Variants in SGCZ observed in about 807,000 individuals in gnomAD.
SGCZ encodes zeta-sarcoglycan.
In SGCZ, 40 loss-of-function variants were observed where a neutral mutation model predicts 41.3. That is an observed-to-expected ratio of 0.97 (90% CI 0.75 to 1.26). The LOEUF is 1.26. Ranked by LOEUF, SGCZ falls within the 50% of genes most tolerant of loss-of-function variation. The pLI is 0.00. For synonymous variants in SGCZ, 206 were observed against 137.5 expected, an observed-to-expected ratio of 1.50 and a Z score of -3.49; for missense variants, 552 against 369.8, an observed-to-expected ratio of 1.49 and a Z score of -4.04.
intron 1 of SGCZ, among the ~76,000 whole-genome samples, chr8:14,771,190 A>G (rs1164822475): frequency 6.6e-6 from 1 of 152,148 alleles, no homozygotes; most frequent in Admixed American, 6.6e-5. Flanking sequence ...GGTCAGTGCA[A>G]TGGAAATATT....
intron 2 of SGCZ, among the ~76,000 whole-genome samples, chr8:14,486,356 C>T (rs1015421162): frequency 6.6e-6 from 1 of 152,112 alleles, no homozygotes; most frequent in Non-Finnish European, 1.5e-5. Context: ...TGGAGCAGAG[C>T]CTCCCACTGG....
chr8:15,022,371 G>T (rs562032786), intron 1 of SGCZ, among the ~76,000 whole-genome samples: 2 of 152,014 alleles, frequency 1.3e-5, no homozygotes, highest in South Asian at 2.1e-4. Context: ...TTGAGACAGA[G>T]TCTTGCTCTG....
chr8:15,065,221 A>G (rs571620404), intron 1 of SGCZ, among the ~76,000 whole-genome samples: 9 of 151,598 alleles, frequency 5.9e-5, no homozygotes, highest in African/African-American at 2.2e-4. Context: ...TTCAAACTCC[A>G]TTTTCTCACC....
chr8:14,539,314 T>A (rs2117146046), intron 2 of SGCZ, among the ~76,000 whole-genome samples: 1 of 151,976 alleles, frequency 6.6e-6, no homozygotes, highest in East Asian at 2.0e-4. Flanking sequence ...TCTATATACA[T>A]CCTATTGCTT....
intron 1 of SGCZ, among the ~76,000 whole-genome samples, chr8:15,230,500 C>A (rs1275882490): frequency 6.6e-6 from 1 of 152,154 alleles, no homozygotes; most frequent in African/African-American, 2.4e-5. Context: ...TAATATTCAG[C>A]AGAAAATCTT....
chr8:14,458,565 T>C (rs1306284155), intron 2 of SGCZ, among the ~76,000 whole-genome samples: 1 of 152,216 alleles, frequency 6.6e-6, no homozygotes, highest in East Asian at 1.9e-4. Context: ...CTAAGTAGAG[T>C]TGTCAGTATG....
chr8:14,472,670 A>T (rs1801247200), intron 2 of SGCZ, among the ~76,000 whole-genome samples: 1 of 152,152 alleles, frequency 6.6e-6, no homozygotes, highest in Non-Finnish European at 1.5e-5. Context: ...AAAAGGCAAC[A>T]TGTATTGCCC....
chr8:15,141,708 C>T (rs1225570474), intron 1 of SGCZ, among the ~76,000 whole-genome samples: 2 of 152,124 alleles, frequency 1.3e-5, no homozygotes, highest in Non-Finnish European at 2.9e-5. Flanking sequence ...TCAAGAGCAT[C>T]CTGGCTAACA....
chr8:15,143,903 C>T lies in SGCZ; in HGVS notation c.39+93682G>A, dbSNP rs1423132806. Among the ~76,000 whole-genome samples the T allele has an allele frequency of 2.8e-4, 2 of 7,208 alleles. 1 individual carries two copies. The highest frequency in any genetic ancestry group is 0.043 in the Non-Finnish European group (2 of 46). 4.7% of individuals were successfully genotyped at this position (7,208 alleles called of 152,430 possible). A position where few individuals can be genotyped will look rare whatever the true frequency, so the allele number is the denominator to read the frequency against. ...ACGCCATTCTCCTGCCTCAGCCTCCCAAGTAGCTGGGACTACAGGCGCCCG... is the reference window on the plus strand; with the variant it reads ...ACGCCATTCTCCTGCCTCAGCCTCCTAAGTAGCTGGGACTACAGGCGCCCG... On this transcript the variant is annotated intron_variant, in intron 1 of 7. Coordinates refer to ENST00000382080, the MANE Select transcript of SGCZ (RefSeq NM_139167.4).
At chr8:14,434,637 T>C (rs1407763854) in intron 2 of SGCZ, among the ~76,000 whole-genome samples, 1 of 152,230 alleles carries the variant, frequency 6.6e-6, no homozygotes, top group Non-Finnish European at 1.5e-5. Context: ...TCATCTATGA[T>C]GTCTTTCAGC....
At chr8:15,207,701 T>C (rs1012035576) in intron 1 of SGCZ, among the ~76,000 whole-genome samples, 7 of 151,870 alleles carry the variant, frequency 4.6e-5, no homozygotes, top group South Asian at 2.1e-4. Context: ...ATTACTCAAA[T>C]AGAAAATTTG....
chr8:14,701,744 G>C (rs1246945137), intron 1 of SGCZ, among the ~76,000 whole-genome samples: 1 of 151,674 alleles, frequency 6.6e-6, no homozygotes, highest in African/African-American at 2.4e-5. Flanking sequence ...CATCAGGTCT[G>C]CCACCTCCTG....
At chr8:15,093,198 A>G (rs1181285568) in intron 1 of SGCZ, among the ~76,000 whole-genome samples, 6 of 152,192 alleles carry the variant, frequency 3.9e-5, no homozygotes, top group Non-Finnish European at 8.8e-5. Flanking sequence ...AGGTGACATG[A>G]TAAAGAACAT....
intron 3 of SGCZ, among the ~76,000 whole-genome samples, chr8:14,301,604 C>T (rs1444081351): frequency 6.6e-6 from 1 of 152,028 alleles, no homozygotes; most frequent in East Asian, 1.9e-4. Flanking sequence ...TTTGGTTTCT[C>T]TAATAGAATA....
chr8:14,300,604 G>T (rs1211435288), intron 3 of SGCZ, among the ~76,000 whole-genome samples: 3 of 151,914 alleles, frequency 2.0e-5, no homozygotes, highest in East Asian at 1.9e-4. Context: ...GGTATGGAAA[G>T]GTTTTAAACT....
rs184305140 is a variant in SGCZ at position 14,977,755 on chromosome 8, C to T, written c.39+259830G>A. Among the ~76,000 whole-genome samples, 89 of 152,174 alleles carry T rather than the reference C, an allele frequency of 5.8e-4. No individual in the cohort carries two copies. The East Asian group carries it at 0.014, about 24-fold the overall frequency. On this transcript the variant is annotated intron_variant, in intron 1 of 7. Transcript: ENST00000382080. ...ACATATTTTTTATTGTCTCAGACCT[C>T]TTAGGGATGAAACTTTCCATATTTT...
At chr8:14,820,869 C>A (rs1175942372) in intron 1 of SGCZ, among the ~76,000 whole-genome samples, 3 of 140,388 alleles carry the variant, frequency 2.1e-5, no homozygotes, top group Non-Finnish European at 3.0e-5. Context: ...ACCCCTAGAT[C>A]AAAAAACAAA....
At chr8:14,223,724 CAAGTG>C (rs1251636239) in intron 4 of SGCZ, among the ~76,000 whole-genome samples, 2 of 152,146 alleles carry the variant, frequency 1.3e-5, no homozygotes, top group Non-Finnish European at 2.9e-5. Context: ...TCTGATAAAT[CAAGTG>C]ATAACCCTTA....
intron 3 of SGCZ, among the ~76,000 whole-genome samples, chr8:14,268,693 T>G (rs1799959078): frequency 6.6e-6 from 1 of 151,878 alleles, no homozygotes; most frequent in East Asian, 1.9e-4. Flanking sequence ...TATGTGTTAT[T>G]AGAACATGAG....
Sources: gnomAD v4.1 joint callset for allele counts (sites outside exome capture counted in the v4.1 genomes callset) on GRCh38, gnomAD v4.1.1 for gene constraint, MANE v1.5 for transcripts, NCBI Gene and HGNC (gene_info 2026-07-23, HGNC 2026-07-21) for gene names.